Variants in PHF20 observed in about 807,000 individuals in gnomAD.
PHF20 encodes PHD finger protein 20.
In PHF20, 23 loss-of-function variants were observed where a neutral mutation model predicts 113.5. The ratio of observed to expected loss-of-function variants is 0.20; its 90% CI spans 0.15 to 0.29. The LOEUF is 0.29. Ranked by LOEUF, PHF20 falls within the 10% of genes least tolerant of loss-of-function variation. The probability of loss-of-function intolerance (pLI) is 1.00; values close to 1 mark genes in which losing one functional copy is unlikely to be tolerated. For synonymous variants in PHF20, 434 were observed against 457.3 expected (o/e 0.95, Z 0.65); for missense variants, 943 against 1,219.6 (o/e 0.77, Z 3.38).
In PHF20 at chr20:35,881,230, G is replaced by T. The variant is rs573519584; in HGVS notation, c.1282+9401G>T. Among the ~76,000 whole-genome samples the T allele has an allele frequency of 4.0e-4, 61 of 151,260 alleles. No homozygotes were observed. In the South Asian group the frequency reaches 0.013, roughly 32 times the overall value. On this transcript the variant is annotated intron_variant, in intron 9 of 17. Transcript: ENST00000374012. The stretch of plus-strand genomic sequence containing the variant: ...GTGCTACCATGCCCGACTAATTTTT[G>T]TATTTTTAGTAGAGGCTGGGTTTCA...
intron 2 of PHF20, chr20:35,838,488 G>T (rs1600807597): frequency 6.6e-6 from 1 of 151,930 alleles, no homozygotes. Flanking sequence ...AAATGGTAGT[G>T]CATTCAAATA....
rs943916654 is a variant in PHF20, at chr20:35,949,187, C to T, written c.*1560C>T. 5 of 152,514 alleles carry T rather than the reference C, an allele frequency of 3.3e-5. No homozygotes were observed. The highest frequency in any genetic ancestry group is 2.6e-4 in the Admixed American group (4 of 15,288). The allele number at this position is 152,514 out of a possible 1,614,324, so 9.4% of individuals were successfully genotyped here. On this transcript the variant is annotated 3_prime_UTR_variant, in exon 18 of 18. Coordinates refer to ENST00000374012, the MANE Select transcript of PHF20 (RefSeq NM_016436.5). ...GGCTATAACATCTATAACAAAACGA[C>T]GATTCCTCTACAAGAGGCTGTTTCT...
chr20:35,794,243 T>G (rs2041622507), intron 1 of PHF20, among the ~76,000 whole-genome samples: 1 of 142,580 alleles, frequency 7.0e-6, no homozygotes, highest in Non-Finnish European at 1.5e-5. Flanking sequence ...GAGGTTGCAG[T>G]GAGCCGAGAT....
intron 17 of PHF20, 137 bp from the exon 18 acceptor site, chr20:35,947,343 CTCCCT>C: frequency 1.4e-6 from 1 of 726,290 alleles, no homozygotes; most frequent in Non-Finnish European, 2.2e-6. Context: ...ATGGCCCTTC[CTCCCT>C]TGCCCCATGG....
chr20:35,895,812 A>G lies in PHF20; in HGVS notation c.1283-3558A>G, dbSNP rs544149682. ...GTGATTCTCCTGCCTCAGCCTCCGGAGTTGCTGGGATTATAGATGCATGCC... is the reference window on the plus strand; with the variant it reads ...GTGATTCTCCTGCCTCAGCCTCCGGGGTTGCTGGGATTATAGATGCATGCC... On this transcript the variant is annotated intron_variant, in intron 9 of 17. Coordinates refer to ENST00000374012, the MANE Select transcript of PHF20 (RefSeq NM_016436.5). Among the ~76,000 whole-genome samples, 39 of 149,838 alleles carry G rather than the reference A, an allele frequency of 2.6e-4. No individual in the cohort carries two copies. In the South Asian group the frequency reaches 8.2e-3, roughly 32 times the overall value.
At chr20:35,827,784 GAA>G (rs568505287) in intron 2 of PHF20, among the ~76,000 whole-genome samples, 20 of 70,808 alleles carry the variant, frequency 2.8e-4, no homozygotes, top group Admixed American at 2.2e-3. Flanking sequence ...CTCCATCTCA[GAA>G]AAAAAAAAAA....
intron 17 of PHF20, among the ~76,000 whole-genome samples, chr20:35,943,025 G>T (rs985714239): frequency 3.3e-5 from 5 of 152,090 alleles, no homozygotes; most frequent in Non-Finnish European, 7.4e-5. Context: ...GGGTTTCACT[G>T]TGTTAGCCAG....
intron 1 of PHF20, among the ~76,000 whole-genome samples, chr20:35,774,195 G>C (rs2041125941): frequency 6.6e-6 from 1 of 151,506 alleles, no homozygotes; most frequent in African/African-American, 2.4e-5. Context: ...ACATTCTCCT[G>C]CCTCAGCCTC....
At chr20:35,913,463 C>A in intron 11 of PHF20, 116 bp downstream of exon 11, 1 of 735,810 alleles carries the variant, frequency 1.4e-6, no homozygotes. Flanking sequence ...CCAATAGTCT[C>A]TTACCAGGGC....
intron 2 of PHF20, among the ~76,000 whole-genome samples, chr20:35,811,070 CAG>C: frequency 6.6e-6 from 1 of 152,064 alleles, no homozygotes; most frequent in Admixed American, 6.6e-5. Context: ...TTTTTTGAGA[CAG>C]AGTCTTGCTC....
intron 4 of PHF20, among the ~76,000 whole-genome samples, chr20:35,852,602 CTT>C (rs60103732): frequency 2.8e-5 from 4 of 144,854 alleles, no homozygotes; most frequent in African/African-American, 7.6e-5. Flanking sequence ...TTCAAGAAAA[CTT>C]TTTTTTTTTT....
intron 4 of PHF20, among the ~76,000 whole-genome samples, chr20:35,853,093 G>T (rs141958789): frequency 6.7e-6 from 1 of 150,228 alleles, no homozygotes; most frequent in Admixed American, 6.6e-5. Flanking sequence ...TTGGTGGCGC[G>T]CACCTGTAAT....
At chr20:35,891,392 A>AT (rs2054854505) in intron 9 of PHF20, among the ~76,000 whole-genome samples, 1 of 151,912 alleles carries the variant, frequency 6.6e-6, no homozygotes, top group Non-Finnish European at 1.5e-5. Flanking sequence ...AAAAAAAAAA[A>AT]AGGCAGCACA....
intron 2 of PHF20, among the ~76,000 whole-genome samples, chr20:35,839,832 T>G (rs11699844): frequency 0.032 from 4,901 of 152,104 alleles, 121 homozygotes; most frequent in Middle Eastern, 0.071. Context: ...ACTTGAGGAG[T>G]GAAATTGGAA....
intron 9 of PHF20, among the ~76,000 whole-genome samples, chr20:35,895,681 CTTTTTTTTTTTTTT>C (rs762279629): frequency 8.6e-6 from 1 of 116,802 alleles, no homozygotes; most frequent in African/African-American, 3.5e-5. Context: ...TTTGCTTCTC[CTTTTTTTTTTTTTT>C]TTTTTTTTGA....
At chr20:35,890,158 G>C (rs1017311166) in intron 9 of PHF20, among the ~76,000 whole-genome samples, 17 of 151,980 alleles carry the variant, frequency 1.1e-4, no homozygotes, top group African/African-American at 3.9e-4. Flanking sequence ...CTCCTGAGTA[G>C]CCGAGACTAT....
At chr20:35,779,051 T>A (rs536906520) in intron 1 of PHF20, among the ~76,000 whole-genome samples, 4 of 152,124 alleles carry the variant, frequency 2.6e-5, no homozygotes, top group African/African-American at 2.4e-5. Flanking sequence ...TTGTTTTTTT[T>A]TTGAGGTGGA....
rs769498138 is a variant in PHF20 at position 35,783,476 on chromosome 20, C to T, written c.-33+11397C>T. Among the ~76,000 whole-genome samples the T allele has an allele frequency of 9.3e-4, 142 of 152,058 alleles. 1 individual carries two copies. The highest frequency in any genetic ancestry group is 3.4e-3 in the Middle Eastern group (1 of 294). On this transcript the variant is annotated intron_variant, in intron 1 of 17. Transcript: ENST00000374012. ...TGTTGCTCAGGTTGGAGTGCAGTGG[C>T]ACAATCACAGCTGTCTTGCAGCTTC...
rs1021458076 is a variant in PHF20, at chr20:35,912,465, T to A, written c.1562-784T>A. Among the ~76,000 whole-genome samples, 7 of 152,170 alleles carry A rather than the reference T, an allele frequency of 4.6e-5. No individual in the cohort carries two copies. The East Asian group carries it at 1.3e-3, about 29-fold the overall frequency. ...ATAAAGTTTTGGTATTTAGAAGGCA[T>A]GAACTGTTCATTTAAAAATAATTTT... On this transcript the variant is annotated intron_variant, in intron 10 of 17. Transcript: ENST00000374012.
Sources: gnomAD v4.1 joint callset for allele counts (sites outside exome capture counted in the v4.1 genomes callset) on GRCh38, gnomAD v4.1.1 for gene constraint, MANE v1.5 for transcripts, NCBI Gene and HGNC (gene_info 2026-07-23, HGNC 2026-07-21) for gene names.